Variants in GALNT13 observed in about 807,000 individuals in gnomAD.
GALNT13 encodes polypeptide N-acetylgalactosaminyltransferase 13, also known as UDP-GalNAc:polypeptide N-acetylgalactosaminyltransferase 13.
A neutral mutation model predicts 64.2 loss-of-function variants in GALNT13; 28 were observed. The ratio of observed to expected loss-of-function variants is 0.44; its 90% CI spans 0.32 to 0.60. The LOEUF (loss-of-function observed/expected upper bound fraction) is 0.60, where lower values mean the gene tolerates loss of function less well. Among genes scored for constraint, GALNT13 ranks in the 20% least tolerant of loss-of-function variants. The pLI is 0.05. For synonymous variants in GALNT13, 214 were observed against 224.6 expected, an observed-to-expected ratio of 0.95 and a Z score of 0.42; for missense variants, 577 against 669.8, an observed-to-expected ratio of 0.86 and a Z score of 1.53.
At chr2:153,848,064 A>C in the GALNT13 span, among the ~76,000 whole-genome samples, 2 of 152,182 alleles carry the variant, frequency 1.3e-5, no homozygotes, top group Non-Finnish European at 2.9e-5. Flanking sequence ...CTTTCTAAAT[A>C]ATCAAGGCCA....
the GALNT13 span, among the ~76,000 whole-genome samples, chr2:153,692,759 A>G: frequency 6.6e-6 from 1 of 152,038 alleles, no homozygotes; most frequent in Non-Finnish European, 1.5e-5. Flanking sequence ...TTCCACATAT[A>G]TTGAGGGCAT....
the GALNT13 span, among the ~76,000 whole-genome samples, chr2:153,527,385 G>C: frequency 6.6e-6 from 1 of 152,130 alleles, no homozygotes; most frequent in Non-Finnish European, 1.5e-5. Flanking sequence ...AGAGTGGCAA[G>C]ACATATTTAA....
the GALNT13 span, among the ~76,000 whole-genome samples, chr2:153,392,338 A>G: frequency 6.6e-6 from 1 of 151,918 alleles, no homozygotes; most frequent in East Asian, 1.9e-4. Flanking sequence ...AAATATTAAA[A>G]AAAAACCCCA....
intron 4 of GALNT13, among the ~76,000 whole-genome samples, chr2:154,161,737 G>A (rs1023102544): frequency 2.0e-5 from 3 of 151,668 alleles, no homozygotes; most frequent in African/African-American, 7.3e-5. Flanking sequence ...AAGAGGATTA[G>A]TTTATAGGAA....
At chr2:153,708,293 A>C in the GALNT13 span, among the ~76,000 whole-genome samples, 1 of 152,128 alleles carries the variant, frequency 6.6e-6, no homozygotes, top group African/African-American at 2.4e-5. Flanking sequence ...CTTCATAGGG[A>C]CCTCAAAGCA....
At chr2:153,729,398 T>C in the GALNT13 span, among the ~76,000 whole-genome samples, 3 of 152,154 alleles carry the variant, frequency 2.0e-5, no homozygotes, top group African/African-American at 7.2e-5. Flanking sequence ...TTAATTTTAA[T>C]ATAGTTTAAT....
chr2:154,204,468 AT>A (rs1420651200), intron 4 of GALNT13, among the ~76,000 whole-genome samples: 1 of 152,188 alleles, frequency 6.6e-6, no homozygotes, highest in Non-Finnish European at 1.5e-5. Flanking sequence ...CATTTTTCCA[AT>A]TTAAAAGTTC....
chr2:153,789,410 A>G, the GALNT13 span, among the ~76,000 whole-genome samples: 3 of 152,182 alleles, frequency 2.0e-5, no homozygotes, highest in African/African-American at 7.2e-5. Context: ...CAAAGATGCA[A>G]CATGCCAGAA....
At chr2:153,626,984 G>A in the GALNT13 span, among the ~76,000 whole-genome samples, 1 of 152,094 alleles carries the variant, frequency 6.6e-6, no homozygotes, top group African/African-American at 2.4e-5. Flanking sequence ...AATGCACATG[G>A]TAAGAGGAAA....
chr2:153,921,959 A>G (rs1689789637), intron 2 of GALNT13, among the ~76,000 whole-genome samples: 1 of 152,196 alleles, frequency 6.6e-6, no homozygotes, highest in African/African-American at 2.4e-5. Flanking sequence ...TAAATACGTT[A>G]AAATACATCT....
chr2:154,335,219 T>A (rs1695373057), intron 9 of GALNT13, among the ~76,000 whole-genome samples: 1 of 143,422 alleles, frequency 7.0e-6, no homozygotes, highest in African/African-American at 2.5e-5. Flanking sequence ...AATATTTTCT[T>A]CAACTGTTGA....
At chr2:153,298,279 C>A in the GALNT13 span, among the ~76,000 whole-genome samples, 5 of 152,122 alleles carry the variant, frequency 3.3e-5, no homozygotes, top group Non-Finnish European at 7.4e-5. Flanking sequence ...TGCAGAGAAG[C>A]CATGCAGATC....
chr2:154,014,635 C>CTTTTTTTTTTTTTTTT lies in GALNT13; in HGVS notation c.142+70011_142+70012insTTTTTTTTTTTTTTTT, dbSNP rs60950180. 1.0e-3 allele frequency among the ~76,000 whole-genome samples: 81 copies of CTTTTTTTTTTTTTTTT among 77,212 alleles called. 11 individuals carry two copies. Among genetic ancestry groups the CTTTTTTTTTTTTTTTT allele is most frequent in the Non-Finnish European group, 1.5e-3 (56 of 37,102 alleles). 50.7% of individuals were successfully genotyped at this position (77,212 alleles called of 152,430 possible). A position where few individuals can be genotyped will look rare whatever the true frequency, so the allele number is the denominator to read the frequency against. On this transcript the variant is annotated intron_variant, in intron 3 of 12. Coordinates refer to ENST00000392825, the MANE Select transcript of GALNT13 (RefSeq NM_052917.4). ...ACTTTTTGTCTTTCTGATAATTCTC[C>CTTTTTTTTTTTTTTTT]TTTTTTTTTTTTTTTGAGACGGAGT...
At chr2:153,220,714 C>T in the GALNT13 span, among the ~76,000 whole-genome samples, 1 of 152,190 alleles carries the variant, frequency 6.6e-6, no homozygotes, top group Non-Finnish European at 1.5e-5. Flanking sequence ...TTTTCATAAA[C>T]TCCCACTCCT....
At chr2:154,136,922 T>C (rs1198731431) in intron 3 of GALNT13, among the ~76,000 whole-genome samples, 1 of 151,816 alleles carries the variant, frequency 6.6e-6, no homozygotes, top group Non-Finnish European at 1.5e-5. Context: ...CCTATTAGAG[T>C]AGATAAATAG....
At chr2:153,341,853 T>C in the GALNT13 span, among the ~76,000 whole-genome samples, 1 of 152,168 alleles carries the variant, frequency 6.6e-6, no homozygotes, top group African/African-American at 2.4e-5. Flanking sequence ...AGGGTATTAA[T>C]TACCCAAAAT....
At chr2:153,390,415 C>T in the GALNT13 span, among the ~76,000 whole-genome samples, 1 of 151,726 alleles carries the variant, frequency 6.6e-6, no homozygotes, top group African/African-American at 2.4e-5. Flanking sequence ...ACCTATGTAA[C>T]AAAACTGAAT....
At chr2:153,925,747 G>A (rs941603883) in intron 2 of GALNT13, among the ~76,000 whole-genome samples, 6 of 151,908 alleles carry the variant, frequency 3.9e-5, no homozygotes, top group African/African-American at 1.5e-4. Context: ...GCAGTGCTTT[G>A]TAGTTCCCCT....
chr2:153,254,253 C>T, the GALNT13 span, among the ~76,000 whole-genome samples: 560 of 152,128 alleles, frequency 3.7e-3, 2 homozygotes, highest in Middle Eastern at 0.014. Flanking sequence ...AGTTTATTTG[C>T]GTAGAGGTAT....
Sources: allele counts gnomAD v4.1 joint callset (sites outside exome capture counted in the v4.1 genomes callset), GRCh38; gene constraint gnomAD v4.1.1; transcripts MANE v1.5; gene names NCBI Gene and HGNC (gene_info 2026-07-23, HGNC 2026-07-21).